CNNM2: variants seen among roughly 807,000 people sequenced by gnomAD.
CNNM2 encodes the protein metal transporter CNNM2.
Under a neutral mutation model 66.9 loss-of-function variants are expected in CNNM2, and 12 were observed. The observed-to-expected ratio is 0.18, with a 90% CI of 0.11 to 0.29. The LOEUF is 0.29. Among genes scored for constraint, CNNM2 ranks in the 10% least tolerant of loss-of-function variants. CNNM2 has a pLI of 1.00. For missense variants in CNNM2, 705 were observed against 1,167.7 expected (o/e 0.60, Z 5.77); for synonymous variants, 557 against 501.8 (o/e 1.11, Z -1.47).
intron 1 of CNNM2, among the ~76,000 whole-genome samples, chr10:102,977,172 G>A (rs541336362): frequency 1.6e-4 from 25 of 152,270 alleles, no homozygotes; most frequent in African/African-American, 6.0e-4. Flanking sequence ...ATTGTGACAA[G>A]CTCTTATTAT....
At chr10:103,000,776 G>A (rs962539198) in intron 1 of CNNM2, among the ~76,000 whole-genome samples, 5 of 152,094 alleles carry the variant, frequency 3.3e-5, no homozygotes, top group African/African-American at 1.2e-4. Flanking sequence ...ATGGGGTTTT[G>A]CCATGTTGGC....
chr10:102,947,071 C>T (rs984688131), intron 1 of CNNM2, among the ~76,000 whole-genome samples: 10 of 151,924 alleles, frequency 6.6e-5, no homozygotes, highest in Admixed American at 5.9e-4. Flanking sequence ...TTTTTTTTCT[C>T]ATAAATACTA....
rs534789598 is a variant in CNNM2 at position 103,076,901 on chromosome 10, G to A, written c.2419-70G>A. ...TGCTGTGGGCCTGTCGGGATTGAAC[G>A]TGTGGAGATCAGAGAACCTAAAAAT... is the stretch of plus-strand genomic sequence containing the variant. On this transcript the variant is annotated intron_variant, in intron 7 of 7. Coordinates refer to ENST00000369878, the MANE Select transcript of CNNM2 (RefSeq NM_017649.5). The A allele has an allele frequency of 4.7e-5, 65 of 1,376,078 alleles. No homozygotes were observed. The African/African-American group carries it at 7.1e-4, about 15-fold the overall frequency. The allele number at this position is 1,376,078 out of a possible 1,614,324, so 85.2% of individuals were successfully genotyped here.
At chr10:102,933,238 A>G (rs1846124149) in intron 1 of CNNM2, among the ~76,000 whole-genome samples, 1 of 152,230 alleles carries the variant, frequency 6.6e-6, no homozygotes, top group Non-Finnish European at 1.5e-5. Context: ...CAATGTTAAC[A>G]GTACAAAGTC....
chr10:103,027,866 A>G (rs2064737278), intron 1 of CNNM2, among the ~76,000 whole-genome samples: 1 of 152,240 alleles, frequency 6.6e-6, no homozygotes, highest in Non-Finnish European at 1.5e-5. Flanking sequence ...CAATTTTTAT[A>G]GTAAACATAG....
intron 4 of CNNM2, among the ~76,000 whole-genome samples, chr10:103,066,332 G>T (rs1371948532): frequency 6.6e-6 from 1 of 152,136 alleles, no homozygotes; most frequent in Admixed American, 6.6e-5. Flanking sequence ...TGGTGTCCCT[G>T]TTCCTCAGCC....
Position 103,085,331 on chromosome 10 carries a change from A to T in CNNM2, c.*8151A>T, listed in dbSNP as rs1467029255. On this transcript the variant is annotated 3_prime_UTR_variant, in exon 8 of 8. Coordinates refer to ENST00000369878, the MANE Select transcript of CNNM2 (RefSeq NM_017649.5). ...AGATACCCACACACTCAAGTCAAAG[A>T]TAACTCTGGTGAGAACACTCTCTCA... 1 of 152,262 alleles carries T rather than the reference A, an allele frequency of 6.6e-6. No homozygotes were observed. The highest frequency in any genetic ancestry group is 1.5e-5 in the Non-Finnish European group (1 of 68,050). 9.4% of individuals were successfully genotyped at this position (152,262 alleles called of 1,614,324 possible). A position where few individuals can be genotyped will look rare whatever the true frequency, so the allele number is the denominator to read the frequency against.
chr10:103,062,425 T>G (rs2065403293), intron 4 of CNNM2, among the ~76,000 whole-genome samples: 1 of 152,168 alleles, frequency 6.6e-6, no homozygotes, highest in African/African-American at 2.4e-5. Context: ...CAGTAACGGA[T>G]CCTTAATCTT....
At chr10:103,074,443 A>T (rs2065654651) in intron 6 of CNNM2, among the ~76,000 whole-genome samples, 1 of 152,254 alleles carries the variant, frequency 6.6e-6, no homozygotes, top group South Asian at 2.1e-4. Flanking sequence ...GTAGAAATGG[A>T]AACAAGGGGA....
chr10:102,957,421 T>C (rs1847086266), intron 1 of CNNM2, among the ~76,000 whole-genome samples: 1 of 152,074 alleles, frequency 6.6e-6, no homozygotes, highest in Non-Finnish European at 1.5e-5. Flanking sequence ...GAGAGAACAA[T>C]GGGAGTGGGG....
rs1279327688 is a variant in CNNM2, at chr10:103,080,409, A to G, written c.*3229A>G. 1 of 152,136 alleles carries G rather than the reference A, an allele frequency of 6.6e-6. No homozygotes were observed. The highest frequency in any genetic ancestry group is 1.5e-5 in the Non-Finnish European group (1 of 68,022). The allele number at this position is 152,136 out of a possible 1,614,324, so 9.4% of individuals were successfully genotyped here. ...GGCAAATTCAAAATCATACATTTAA[A>G]CTCTTAGGAAAACAAAATCTTAAGA... is the stretch of plus-strand genomic sequence containing the variant. On this transcript the variant is annotated 3_prime_UTR_variant, in exon 8 of 8. Transcript: ENST00000369878.
At chr10:102,952,095 G>C (rs377572988) in intron 1 of CNNM2, among the ~76,000 whole-genome samples, 13 of 151,778 alleles carry the variant, frequency 8.6e-5, no homozygotes, top group African/African-American at 2.9e-4. Flanking sequence ...GAGCCACCAC[G>C]CCCGGCCAAT....
intron 6 of CNNM2, among the ~76,000 whole-genome samples, chr10:103,075,432 G>T (rs577829556): frequency 6.6e-6 from 1 of 152,252 alleles, no homozygotes; most frequent in South Asian, 2.1e-4. Context: ...TTTAAGGGAA[G>T]GATGCCACAA....
At chr10:102,932,575 T>C (rs1405734973) in intron 1 of CNNM2, among the ~76,000 whole-genome samples, 2 of 152,200 alleles carry the variant, frequency 1.3e-5, no homozygotes, top group African/African-American at 2.4e-5. Flanking sequence ...GTACTGTCTG[T>C]TGAAAATACT....
rs56192823 is a variant in CNNM2, at chr10:102,947,970, G to A, written c.1621+27869G>A. Among the ~76,000 whole-genome samples, 5,565 of 151,978 alleles carry A rather than the reference G, an allele frequency of 0.037. 105 individuals carry two copies. The highest frequency in any genetic ancestry group is 0.041 in the Non-Finnish European group (2,797 of 67,958). ...CAGGAGGCTGGGGCAGGAGAATGGC[G>A]TGAACCCGGGAGGTGGAGCTTGCAG... On this transcript the variant is annotated intron_variant, in intron 1 of 7. Transcript: ENST00000369878.
intron 1 of CNNM2, among the ~76,000 whole-genome samples, chr10:103,048,670 T>TA (rs1234397086): frequency 1.3e-5 from 2 of 151,934 alleles, no homozygotes; most frequent in East Asian, 3.8e-4. Context: ...GTGTTTGAAG[T>TA]AAAAACATTC....
chr10:103,045,400 G>A (rs1354745200), intron 1 of CNNM2, among the ~76,000 whole-genome samples: 1 of 152,206 alleles, frequency 6.6e-6, no homozygotes, highest in East Asian at 1.9e-4. Context: ...AGGCAGAGCA[G>A]AAGCTGACTT....
chr10:102,966,711 T>C lies in CNNM2; in HGVS notation c.1621+46610T>C, dbSNP rs147888330. On this transcript the variant is annotated intron_variant, in intron 1 of 7. Transcript: ENST00000369878. ...TTACAAATATTTATTTAGTGCCTGCTATATGTAGGATGTAATATAAAATAG... is the reference window on the plus strand; with the variant it reads ...TTACAAATATTTATTTAGTGCCTGCCATATGTAGGATGTAATATAAAATAG... 4.3e-3 allele frequency among the ~76,000 whole-genome samples: 650 copies of C among 152,336 alleles called. 6 individuals carry two copies. Among genetic ancestry groups the C allele is most frequent in the African/African-American group, 0.015 (627 of 41,572 alleles).
rs765802804 is a variant in CNNM2 at position 103,068,612 on chromosome 10, G to T, written c.2074-17G>T. On this transcript the variant is annotated splice_polypyrimidine_tract_variant and intron_variant, in intron 4 of 7. Coordinates refer to ENST00000369878, the MANE Select transcript of CNNM2 (RefSeq NM_017649.5). ...TTTTGCAACTGGACTGAAAATACCT[G>T]CCTTTTCTCTCCACAGGGGAAAGTG... The T allele has an allele frequency of 3.2e-5, 51 of 1,601,192 alleles. No homozygotes were observed. The highest frequency in any genetic ancestry group is 4.3e-5 in the Non-Finnish European group (51 of 1,172,970).
Sources: gnomAD v4.1 joint callset for allele counts (sites outside exome capture counted in the v4.1 genomes callset) on GRCh38, gnomAD v4.1.1 for gene constraint, MANE v1.5 for transcripts, NCBI Gene and HGNC (gene_info 2026-07-23, HGNC 2026-07-21) for gene names.